Variants in TRAPPC9 observed in about 807,000 individuals in gnomAD.
TRAPPC9 encodes the protein trafficking protein particle complex subunit 9, also known as IKK2 binding protein.
TRAPPC9 carries 83 observed loss-of-function variants against 124.0 expected under a neutral mutation model. The ratio of observed to expected loss-of-function variants is 0.67; its 90% CI spans 0.56 to 0.80. The LOEUF (loss-of-function observed/expected upper bound fraction) is 0.80. Among genes scored for constraint, TRAPPC9 ranks in the 30% least tolerant of loss-of-function variants. TRAPPC9 has a pLI of 0.00. For missense variants in TRAPPC9, 1,302 were observed against 1,508.3 expected (o/e 0.86, Z 2.27); for synonymous variants, 638 against 617.5 (o/e 1.03, Z -0.49).
intron 5 of TRAPPC9, among the ~76,000 whole-genome samples, chr8:140,407,944 A>G (rs1238054357): frequency 6.6e-6 from 1 of 152,186 alleles, no homozygotes; most frequent in Non-Finnish European, 1.5e-5. Context: ...TTCAACATCA[A>G]GGCTAGAGGA....
rs2061671465 is a variant in TRAPPC9, at chr8:140,157,368, G to GCCTCCCTTTTCCATTCAA, written c.2556+64090_2556+64091insTTGAATGGAAAAGGGAGG. Among the ~76,000 whole-genome samples, 6 of 29,346 alleles carry GCCTCCCTTTTCCATTCAA rather than the reference G, an allele frequency of 2.0e-4. 2 individuals are homozygous for GCCTCCCTTTTCCATTCAA. Among genetic ancestry groups the GCCTCCCTTTTCCATTCAA allele is most frequent in the African/African-American group, 1.1e-3 (5 of 4,610 alleles). 19.3% of individuals were successfully genotyped at this position (29,346 alleles called of 152,430 possible). On this transcript the variant is annotated intron_variant, in intron 17 of 22. Transcript: ENST00000438773. ...TTCAGAAGCCTCCCTTTTCCATTCA[G>GCCTCCCTTTTCCATTCAA]AAGCCTCCCTTTTCCATTCAAAAGC...
At chr8:140,094,595 C>T (rs1211415766) in intron 17 of TRAPPC9, among the ~76,000 whole-genome samples, 1 of 152,216 alleles carries the variant, frequency 6.6e-6, no homozygotes, top group Non-Finnish European at 1.5e-5. Context: ...CTGACAGCTA[C>T]TCGGAGAGGC....
intron 17 of TRAPPC9, among the ~76,000 whole-genome samples, chr8:140,205,226 T>C (rs1228809926): frequency 6.6e-6 from 1 of 152,226 alleles, no homozygotes; most frequent in Non-Finnish European, 1.5e-5. Context: ...ATTCACAAGA[T>C]ACAAAGATTA....
rs1563706743 is a variant in TRAPPC9 at position 140,033,671 on chromosome 8, T to TTTTTG, written c.2557-9593_2557-9592insCAAAA. 3.6e-3 allele frequency among the ~76,000 whole-genome samples: 301 copies of TTTTTG among 82,928 alleles called. 6 individuals carry two copies. The highest frequency in any genetic ancestry group is 5.9e-3 in the South Asian group (13 of 2,210). 54.4% of individuals were successfully genotyped at this position (82,928 alleles called of 152,430 possible). A position where few individuals can be genotyped will look rare whatever the true frequency, so the allele number is the denominator to read the frequency against. The stretch of plus-strand genomic sequence containing the variant: ...CTTCATAATGTGGTTTTTTTTTTTT[T>TTTTTG]TTTTTTTTTTTTTTTTTTTTTTTTT... On this transcript the variant is annotated intron_variant, in intron 17 of 22. Transcript: ENST00000438773.
At chr8:140,163,947 C>T (rs771609657) in intron 17 of TRAPPC9, among the ~76,000 whole-genome samples, 9 of 152,118 alleles carry the variant, frequency 5.9e-5, no homozygotes, top group Non-Finnish European at 1.0e-4. Context: ...CTAAAAATAT[C>T]TCACCTAATA....
intron 10 of TRAPPC9, among the ~76,000 whole-genome samples, chr8:140,301,058 G>A (rs2065963793): frequency 6.6e-6 from 1 of 152,160 alleles, no homozygotes; most frequent in South Asian, 2.1e-4. Context: ...CTGGCACAGG[G>A]CCCACTGCCT....
chr8:139,847,994 G>T (rs1012687141), intron 21 of TRAPPC9, among the ~76,000 whole-genome samples: 1 of 152,260 alleles, frequency 6.6e-6, no homozygotes. Flanking sequence ...GACTTGGTCT[G>T]CCGGAACTGG....
chr8:139,883,492 C>T (rs1458535681), intron 21 of TRAPPC9, among the ~76,000 whole-genome samples: 1 of 152,252 alleles, frequency 6.6e-6, no homozygotes, highest in East Asian at 1.9e-4. Flanking sequence ...CCTCTGCCCA[C>T]ACAGGCGTGT....
chr8:139,896,325 T>C (rs1207560185), intron 20 of TRAPPC9, among the ~76,000 whole-genome samples: 1 of 152,154 alleles, frequency 6.6e-6, no homozygotes, highest in Non-Finnish European at 1.5e-5. Context: ...CAATCCATAA[T>C]GATGATGACA....
intron 19 of TRAPPC9, among the ~76,000 whole-genome samples, chr8:139,965,839 T>C (rs1389359968): frequency 1.5e-5 from 1 of 66,414 alleles, no homozygotes; most frequent in Non-Finnish European, 4.3e-5. Flanking sequence ...GGAGGACTAA[T>C]TGGAAATAAA....
At chr8:140,186,838 C>A (rs1195266302) in intron 17 of TRAPPC9, among the ~76,000 whole-genome samples, 2 of 152,158 alleles carry the variant, frequency 1.3e-5, no homozygotes, top group Non-Finnish European at 2.9e-5. Flanking sequence ...TTATTTTTAA[C>A]ACTAAAAATT....
chr8:140,295,857 C>T (rs2065788461), intron 11 of TRAPPC9, among the ~76,000 whole-genome samples: 1 of 152,184 alleles, frequency 6.6e-6, no homozygotes, highest in Admixed American at 6.5e-5. Context: ...ATATTAGAAG[C>T]TATGGGATAT....
At chr8:139,922,359 T>A (rs1256570980) in intron 19 of TRAPPC9, among the ~76,000 whole-genome samples, 1 of 152,212 alleles carries the variant, frequency 6.6e-6, no homozygotes, top group Admixed American at 6.5e-5. Flanking sequence ...ACTTTTTGTA[T>A]TTTTAGTAGA....
chr8:140,350,677 G>A lies in TRAPPC9; in HGVS notation c.1495+9373C>T, dbSNP rs574876622. ...TGGAGGTGAGCCCTCATGCAGAAGC[G>A]CACCGTTCAAGATCGCCCAGGAACA... On this transcript the variant is annotated intron_variant, in intron 9 of 22. Coordinates refer to ENST00000438773, the MANE Select transcript of TRAPPC9 (RefSeq NM_001160372.4). 3.9e-5 allele frequency among the ~76,000 whole-genome samples: 6 copies of A among 152,182 alleles called. No homozygotes were observed. The South Asian group carries it at 1.0e-3, about 26-fold the overall frequency.
At chr8:139,966,385 G>C (rs77830806) in intron 19 of TRAPPC9, among the ~76,000 whole-genome samples, 2 of 152,328 alleles carry the variant, frequency 1.3e-5, no homozygotes, top group East Asian at 3.9e-4. Context: ...TCACCCATCA[G>C]ACCCTGCTCT....
chr8:140,204,924 C>A lies in TRAPPC9; in HGVS notation c.2556+16535G>T, dbSNP rs749394506. Reference sequence around the variant, plus strand: ...TGAGAGGAAATCTTATCAGACAATTCCAGTGAACGGAATTTCATCAAAATG... The same window carrying A: ...TGAGAGGAAATCTTATCAGACAATTACAGTGAACGGAATTTCATCAAAATG... On this transcript the variant is annotated intron_variant, in intron 17 of 22. Coordinates refer to ENST00000438773, the MANE Select transcript of TRAPPC9 (RefSeq NM_001160372.4). Among the ~76,000 whole-genome samples the A allele has an allele frequency of 9.7e-4, 147 of 152,208 alleles. 4 individuals carry two copies. The highest frequency in any genetic ancestry group is 1.6e-4 in the Non-Finnish European group (11 of 68,050).
chr8:140,432,154 AC>A (rs1321231499), intron 4 of TRAPPC9, among the ~76,000 whole-genome samples: 1 of 152,212 alleles, frequency 6.6e-6, no homozygotes, highest in Admixed American at 6.5e-5. Context: ...ATATATGTGT[AC>A]AACAGCGCCA....
intron 17 of TRAPPC9, among the ~76,000 whole-genome samples, chr8:140,027,707 G>C (rs1840239702): frequency 6.6e-6 from 1 of 152,194 alleles, no homozygotes; most frequent in Non-Finnish European, 1.5e-5. Flanking sequence ...AATTTATAAA[G>C]AAAAGAGGTT....
chr8:140,385,620 A>G (rs2068734426), intron 7 of TRAPPC9, among the ~76,000 whole-genome samples: 1 of 152,212 alleles, frequency 6.6e-6, no homozygotes, highest in Admixed American at 6.5e-5. Context: ...AAACCAGTAA[A>G]AAGTTGAATC....
Sources: gnomAD v4.1 joint callset for allele counts (sites outside exome capture counted in the v4.1 genomes callset) on GRCh38, gnomAD v4.1.1 for gene constraint, MANE v1.5 for transcripts, NCBI Gene and HGNC (gene_info 2026-07-23, HGNC 2026-07-21) for gene names.